The following ENOSF1 variants were observed in gnomAD, a reference collection of about 807,000 sequenced individuals.
ENOSF1 encodes mitochondrial enolase superfamily member 1.
Under a neutral mutation model 68.2 loss-of-function variants are expected in ENOSF1, and 73 were observed. The observed-to-expected ratio is 1.07, with a 90% confidence interval of 0.89 to 1.30. The LOEUF (loss-of-function observed/expected upper bound fraction) is 1.30, where lower values mean the gene tolerates loss of function less well. ENOSF1 is among the 50% of genes most tolerant of loss of function. ENOSF1 has a pLI of 0.00. For synonymous variants in ENOSF1, 223 were observed against 210.4 expected, an observed-to-expected ratio of 1.06 and a Z score of -0.52; for missense variants, 589 against 554.5, an observed-to-expected ratio of 1.06 and a Z score of -0.62.
intron 1 of ENOSF1, among the ~76,000 whole-genome samples, chr18:711,083 T>C (rs571981716): frequency 5.9e-5 from 9 of 152,116 alleles, no homozygotes; most frequent in South Asian, 2.1e-4. Context: ...GGTGGGAGGA[T>C]TGGTTGAGTC....
chr18:695,892 C>A (rs1050663662), intron 3 of ENOSF1, among the ~76,000 whole-genome samples: 2 of 152,166 alleles, frequency 1.3e-5, no homozygotes, highest in Non-Finnish European at 2.9e-5. Context: ...GTTTAATATT[C>A]TCTGTATAAA....
At chr18:695,780 T>C (rs751130359) in intron 3 of ENOSF1, among the ~76,000 whole-genome samples, 11 of 152,304 alleles carry the variant, frequency 7.2e-5, no homozygotes, top group Middle Eastern at 6.8e-3. Flanking sequence ...ATGGATTTTA[T>C]TCAATGGGTT....
At chr18:694,802 TC>T (rs960248296) in intron 3 of ENOSF1, among the ~76,000 whole-genome samples, 1 of 135,604 alleles carries the variant, frequency 7.4e-6, no homozygotes, top group African/African-American at 2.7e-5. Flanking sequence ...TGTTTTCCTC[TC>T]TTCTTTCTCT....
chr18:667,754 T>TAA (rs977181527), downstream of ENOSF1: 3 of 152,194 alleles, frequency 2.0e-5, no homozygotes, highest in African/African-American at 7.2e-5. Flanking sequence ...CTTGTGCAGG[T>TAA]AAGTGTTCTG....
At chr18:690,977 T>C in intron 7 of ENOSF1, 91 bp downstream of exon 7, 1 of 1,440,460 alleles carries the variant, frequency 6.9e-7, no homozygotes, top group South Asian at 1.2e-5. Context: ...ACAGGGCATT[T>C]GGGAAGACAA....
intron 4 of ENOSF1, 91 bp from the exon 5 acceptor site, chr18:693,999 C>T (rs977839316): frequency 2.7e-5 from 38 of 1,430,762 alleles, no homozygotes; most frequent in Non-Finnish European, 3.5e-5. Context: ...CTAATGCTGG[C>T]TGTCAGCCAC....
intron 9 of ENOSF1, chr18:686,662 C>T (rs2847331): frequency 0.2 from 30,771 of 152,304 alleles, 3,422 homozygotes; most frequent in Admixed American, 0.27. Flanking sequence ...TGTCCACACC[C>T]TATGACTCTG....
At chr18:679,313 G>A (rs895327974) in intron 11 of ENOSF1, among the ~76,000 whole-genome samples, 3 of 150,786 alleles carry the variant, frequency 2.0e-5, no homozygotes, top group East Asian at 2.0e-4. Flanking sequence ...AGGCTGAAGC[G>A]ATTCTCGTGC....
Position 673,446 on chromosome 18 carries a change from A to G in ENOSF1, c.*859T>C, listed in dbSNP as rs937075451. The G allele has an allele frequency of 2.4e-5, 2 of 84,966 alleles. No homozygotes were observed. The highest frequency in any genetic ancestry group is 1.2e-3 in the South Asian group (2 of 1,716). The allele number at this position is 84,966 out of a possible 1,614,324, so 5.3% of individuals were successfully genotyped here. A position where few individuals can be genotyped will look rare whatever the true frequency, so the allele number is the denominator to read the frequency against. ...GATGTAGAGTGTGGTTATGAACTTT[A>G]AAGTTATAGTTGTTTTATATGTTGC... On this transcript the variant is annotated 3_prime_UTR_variant, in exon 16 of 16. Coordinates refer to ENST00000647584, the MANE Select transcript of ENOSF1 (RefSeq NM_017512.7).
At chr18:691,346 TTTA>T (rs1257879461) in intron 5 of ENOSF1, 70 bp from the exon 6 acceptor site, 1 of 1,296,074 alleles carries the variant, frequency 7.7e-7, no homozygotes, top group East Asian at 2.5e-5. Flanking sequence ...TTTTTTAAAA[TTTA>T]TTATTCTTTT....
At chr18:669,937 G>C (rs2074955203), downstream of ENOSF1, among the ~76,000 whole-genome samples, 1 of 151,682 alleles carries the variant, frequency 6.6e-6, no homozygotes, top group Non-Finnish European at 1.5e-5. Flanking sequence ...ACTCCAGCCT[G>C]GGCAACAGAG....
chr18:666,891 A>AGATGAGTGATGGCGATGGAGATGGT (rs1555639480), downstream of ENOSF1, among the ~76,000 whole-genome samples: 1 of 62,146 alleles, frequency 1.6e-5, no homozygotes, highest in Non-Finnish European at 3.0e-5. Flanking sequence ...AAAGTTCGGG[A>AGATGAGTGATGGCGATGGAGATGGT]GATGGTGATG....
intron 2 of ENOSF1, among the ~76,000 whole-genome samples, chr18:699,020 A>C (rs138160487): frequency 1.2e-3 from 189 of 152,154 alleles, no homozygotes; most frequent in Non-Finnish European, 2.0e-3. Flanking sequence ...GCTAATTTTT[A>C]AATTTTTTGT....
intron 15 of ENOSF1, 112 bp downstream of exon 15, chr18:675,209 T>C (rs2075357441): frequency 2.5e-6 from 2 of 799,938 alleles, no homozygotes; most frequent in Non-Finnish European, 4.3e-6. Context: ...TGTTAGTGGA[T>C]ATTGCAAACA....
intron 5 of ENOSF1, chr18:692,608 A>G: frequency 1.3e-6 from 1 of 741,720 alleles, no homozygotes; most frequent in Non-Finnish European, 1.6e-6. Context: ...AAAAAAAAAA[A>G]AAGAAAGAAA....
intron 2 of ENOSF1, among the ~76,000 whole-genome samples, chr18:702,618 T>G (rs966236900): frequency 7.2e-5 from 11 of 151,852 alleles, no homozygotes; most frequent in Non-Finnish European, 1.5e-4. Flanking sequence ...CTTGTGCCTG[T>G]GGGCCCAGCT....
rs761743137 is a variant in ENOSF1, at chr18:670,665, CCTT to C, written c.*3637_*3639del. ...TGTGGTCTTTCAAACCACCATCCCTCCTTATCTTCCTCTGCTGGTTCCTCAGAT... is the reference window on the plus strand; with the variant it reads ...TGTGGTCTTTCAAACCACCATCCCTCATCTTCCTCTGCTGGTTCCTCAGAT... On this transcript the variant is annotated 3_prime_UTR_variant, in exon 16 of 16. Transcript: ENST00000647584. 28 of 1,611,588 alleles carry C rather than the reference CCTT, an allele frequency of 1.7e-5. No individual in the cohort carries two copies. Among genetic ancestry groups the C allele is most frequent in the South Asian group, 2.2e-5 (2 of 90,840 alleles).
intron 7 of ENOSF1, 131 bp from the exon 8 acceptor site, chr18:690,762 A>G (rs2077070548): frequency 7.9e-7 from 1 of 1,261,900 alleles, no homozygotes; most frequent in African/African-American, 1.7e-5. Flanking sequence ...ACACACACCC[A>G]GCCACAAATT....
intron 2 of ENOSF1, among the ~76,000 whole-genome samples, chr18:703,881 T>C (rs537262568): frequency 2.6e-5 from 4 of 152,146 alleles, no homozygotes; most frequent in Non-Finnish European, 4.4e-5. Context: ...GTACTGTCTT[T>C]GAGATAGTGA....
Sources: gnomAD v4.1 joint callset for allele counts (sites outside exome capture counted in the v4.1 genomes callset) on GRCh38, gnomAD v4.1.1 for gene constraint, MANE v1.5 for transcripts, NCBI Gene and HGNC (gene_info 2026-07-23, HGNC 2026-07-21) for gene names.